Variants in SLC36A1 observed in about 807,000 individuals in gnomAD.
SLC36A1 encodes the protein proton-coupled amino acid transporter 1.
Under a neutral mutation model 47.5 loss-of-function variants are expected in SLC36A1, and 30 were observed. The ratio of observed to expected loss-of-function variants is 0.63; its 90% CI spans 0.47 to 0.86. The LOEUF (loss-of-function observed/expected upper bound fraction) is 0.86. SLC36A1 is among the 40% of genes least tolerant of loss of function. The pLI is 0.00. For missense variants in SLC36A1, 517 were observed against 606.0 expected (o/e 0.85, Z 1.54); for synonymous variants, 255 against 249.7 (o/e 1.02, Z -0.20).
intron 7 of SLC36A1, among the ~76,000 whole-genome samples, chr5:151,470,189 T>C (rs968179394): frequency 6.6e-6 from 1 of 152,176 alleles, no homozygotes; most frequent in Non-Finnish European, 1.5e-5. Flanking sequence ...ACCCATGATT[T>C]CATGTTGTAA....
At chr5:151,553,052 C>A in the SLC36A1 span, 17 of 896,556 alleles carry the variant, frequency 1.9e-5, no homozygotes, top group South Asian at 2.3e-4. Flanking sequence ...CCACTCCGGG[C>A]TGAAAGAGGG....
the SLC36A1 span, among the ~76,000 whole-genome samples, chr5:151,358,055 A>C: frequency 6.6e-6 from 1 of 152,172 alleles, no homozygotes; most frequent in African/African-American, 2.4e-5. Context: ...AAGGCTCAGC[A>C]TTTGCCCTAT....
the SLC36A1 span, among the ~76,000 whole-genome samples, chr5:151,397,565 C>G: frequency 6.6e-6 from 1 of 151,304 alleles, no homozygotes; most frequent in Admixed American, 6.6e-5. Flanking sequence ...GGTGGGTGTT[C>G]AAAACCAGGG....
intron 8 of SLC36A1, among the ~76,000 whole-genome samples, chr5:151,474,892 G>A (rs928408741): frequency 3.9e-5 from 6 of 152,170 alleles, no homozygotes; most frequent in Admixed American, 6.5e-5. Flanking sequence ...TTTGATTTCC[G>A]AGACACCTTA....
chr5:151,359,032 G>A, the SLC36A1 span, among the ~76,000 whole-genome samples: 1 of 148,046 alleles, frequency 6.8e-6, no homozygotes, highest in Admixed American at 6.7e-5. Context: ...GTCCCACCCC[G>A]GAGTGTTGAT....
the SLC36A1 span, among the ~76,000 whole-genome samples, chr5:151,497,914 ACCT>A: frequency 4.0e-5 from 6 of 149,572 alleles, no homozygotes; most frequent in Non-Finnish European, 5.9e-5. Context: ...TTTGGTGCCC[ACCT>A]ACCTTTAGCT....
chr5:151,370,194 T>G, the SLC36A1 span, among the ~76,000 whole-genome samples: 1 of 152,248 alleles, frequency 6.6e-6, no homozygotes, highest in South Asian at 2.1e-4. Context: ...AAAACCATTC[T>G]GTATTGGAAG....
intron 1 of SLC36A1, among the ~76,000 whole-genome samples, chr5:151,456,619 C>G (rs1457580720): frequency 1.3e-5 from 2 of 152,184 alleles, no homozygotes; most frequent in Non-Finnish European, 2.9e-5. Context: ...TTGAATTCCT[C>G]TAGCTCATGA....
chr5:151,396,912 C>T, the SLC36A1 span, among the ~76,000 whole-genome samples: 75,457 of 152,054 alleles, frequency 0.5, 20,722 homozygotes, highest in African/African-American at 0.75. Context: ...GACCCAACTC[C>T]CACTGACTTC....
chr5:151,433,508 C>G (rs890501129), upstream of SLC36A1, among the ~76,000 whole-genome samples: 1 of 150,588 alleles, frequency 6.6e-6, no homozygotes, highest in African/African-American at 2.4e-5. Context: ...CCAGGCTGGT[C>G]TCAAACTCCT....
chr5:151,507,883 ACTCT>A, the SLC36A1 span, among the ~76,000 whole-genome samples: 1 of 151,974 alleles, frequency 6.6e-6, no homozygotes, highest in African/African-American at 2.4e-5. Context: ...CACTGTATAC[ACTCT>A]CTATCATGAG....
the SLC36A1 span, chr5:151,546,073 A>G: frequency 1.9e-6 from 3 of 1,614,198 alleles, no homozygotes; most frequent in Non-Finnish European, 2.5e-6. Context: ...AGAGGGGCTC[A>G]TAGCAGAGAC....
downstream of SLC36A1, chr5:151,492,399 T>C (rs1760198389): frequency 8.6e-6 from 1 of 116,026 alleles, no homozygotes; most frequent in Non-Finnish European, 1.9e-5. Flanking sequence ...ATCTGTGTCT[T>C]TTTTTTTTTT....
chr5:151,540,984 A>G, the SLC36A1 span, among the ~76,000 whole-genome samples: 5 of 152,260 alleles, frequency 3.3e-5, no homozygotes, highest in Admixed American at 3.3e-4. Context: ...TGTCAATGCA[A>G]GAAGCATCAC....
the SLC36A1 span, among the ~76,000 whole-genome samples, chr5:151,376,771 T>C: frequency 7.9e-5 from 12 of 152,274 alleles, no homozygotes; most frequent in African/African-American, 2.9e-4. Context: ...TAGCTGGGAT[T>C]ACAGGCACAT....
the SLC36A1 span, among the ~76,000 whole-genome samples, chr5:151,407,773 A>G: frequency 1.3e-5 from 2 of 152,196 alleles, no homozygotes; most frequent in Admixed American, 1.3e-4. Context: ...GGTCAATGAG[A>G]GAATGAGAAT....
the SLC36A1 span, among the ~76,000 whole-genome samples, chr5:151,417,937 T>G: frequency 1.3e-5 from 2 of 151,314 alleles, no homozygotes; most frequent in Non-Finnish European, 3.0e-5. Flanking sequence ...GGGCCAGGCC[T>G]AGGGCCTTAC....
the SLC36A1 span, among the ~76,000 whole-genome samples, chr5:151,346,499 A>G: frequency 6.6e-6 from 1 of 151,980 alleles, no homozygotes; most frequent in African/African-American, 2.4e-5. Flanking sequence ...TTAGAGAAGG[A>G]GCAGAGAAAC....
At chr5:151,554,012 C>T in the SLC36A1 span, among the ~76,000 whole-genome samples, 1 of 152,212 alleles carries the variant, frequency 6.6e-6, no homozygotes, top group Non-Finnish European at 1.5e-5. Flanking sequence ...CTCCATTTTA[C>T]AAATGATAAA....
Sources: gnomAD v4.1 joint callset for allele counts (sites outside exome capture counted in the v4.1 genomes callset) on GRCh38, gnomAD v4.1.1 for gene constraint, MANE v1.5 for transcripts, NCBI Gene and HGNC (gene_info 2026-07-23, HGNC 2026-07-21) for gene names.